Variants in MGST1 observed in about 807,000 individuals in gnomAD.
MGST1 encodes glutathione S-transferase 12.
MGST1 carries 5 observed loss-of-function variants against 8.9 expected under a neutral mutation model. The ratio of observed to expected loss-of-function variants is 0.56; its 90% CI spans 0.29 to 1.19. The LOEUF (loss-of-function observed/expected upper bound fraction) is 1.19, where lower values mean the gene tolerates loss of function less well. Among genes scored for constraint, MGST1 ranks in the 50% most tolerant of loss-of-function variants. The pLI is 0.08. For synonymous variants in MGST1, 54 were observed against 67.8 expected (o/e 0.80, Z 1.00); for missense variants, 182 against 187.4 (o/e 0.97, Z 0.17).
rs1394935989 is a variant in MGST1 at position 16,560,828 on chromosome 12, C to G, written n.483-28700C>G. On this transcript the variant is annotated intron_variant and non_coding_transcript_variant, in intron 4 of 4. Transcript: ENST00000538857. This position sits in a 1 kb window ranked among gnomAD's most constrained non-coding sequence, Gnocchi z 5.0. ...GAAGTCAATGGGGGTGAATTCATAGCAAAAATCTCTGGGTTAGAGTATATA... is the reference window on the plus strand; with the variant it reads ...GAAGTCAATGGGGGTGAATTCATAGGAAAAATCTCTGGGTTAGAGTATATA... 4 of 425,058 alleles carry G rather than the reference C, an allele frequency of 9.4e-6. No individual in the cohort carries two copies. The highest frequency in any genetic ancestry group is 8.3e-5 in the African/African-American group (4 of 48,316). 26.3% of individuals were successfully genotyped at this position (425,058 alleles called of 1,614,324 possible).
At chr12:16,552,606 A>T (rs1232908733) in intron 4 of MGST1, among the ~76,000 whole-genome samples, 1 of 152,060 alleles carries the variant, frequency 6.6e-6, no homozygotes, top group Non-Finnish European at 1.5e-5. Context: ...AAAAAAGTAG[A>T]CTGAAAAGAA....
intron 4 of MGST1, among the ~76,000 whole-genome samples, chr12:16,470,182 T>A (rs1050508204): frequency 5.3e-5 from 8 of 152,220 alleles, no homozygotes; most frequent in Admixed American, 5.2e-4. Flanking sequence ...TGGGGAACTT[T>A]CTACATAAAA....
At chr12:16,558,749 A>C (rs918284966) in intron 4 of MGST1, among the ~76,000 whole-genome samples, 2 of 152,158 alleles carry the variant, frequency 1.3e-5, no homozygotes, top group African/African-American at 2.4e-5. Context: ...AGCAAGAAAC[A>C]CTATTGTGAT....
intron 4 of MGST1, among the ~76,000 whole-genome samples, chr12:16,504,225 T>C (rs2137171375): frequency 6.6e-6 from 1 of 152,326 alleles, no homozygotes; most frequent in East Asian, 1.9e-4. Context: ...TGTTGTGTGA[T>C]ATTCAAAGAA....
chr12:16,399,183 G>A (rs1182299200), intron 1 of MGST1: 1 of 1,283,384 alleles, frequency 7.8e-7, no homozygotes, highest in South Asian at 1.4e-5. Flanking sequence ...AACTTCAAAT[G>A]AAAACAAAAG....
chr12:16,569,124 T>C (rs1341812479), intron 4 of MGST1, among the ~76,000 whole-genome samples: 1 of 152,148 alleles, frequency 6.6e-6, no homozygotes, highest in East Asian at 1.9e-4. Context: ...CAACAATATG[T>C]AAAGAAAAAT....
chr12:16,388,167 T>C (rs1285679615), intron 1 of MGST1, among the ~76,000 whole-genome samples: 1 of 151,848 alleles, frequency 6.6e-6, no homozygotes, highest in Non-Finnish European at 1.5e-5. Flanking sequence ...AAACTGCAAT[T>C]ACTTTTGCAC....
At chr12:16,460,414 CATAG>C (rs1236610783) in intron 4 of MGST1, among the ~76,000 whole-genome samples, 3 of 152,040 alleles carry the variant, frequency 2.0e-5, no homozygotes, top group Non-Finnish European at 4.4e-5. Flanking sequence ...CTATCCAAAA[CATAG>C]ATAGGTCTCT....
intron 4 of MGST1, among the ~76,000 whole-genome samples, chr12:16,483,649 A>G (rs186927059): frequency 1.3e-5 from 2 of 152,318 alleles, no homozygotes; most frequent in East Asian, 3.9e-4. Flanking sequence ...GTTTCAGTTC[A>G]CCAGTAATAT....
At chr12:16,490,307 A>G (rs930798539) in intron 4 of MGST1, among the ~76,000 whole-genome samples, 22 of 152,108 alleles carry the variant, frequency 1.4e-4, no homozygotes, top group South Asian at 2.1e-4. Context: ...GGTTGTGGCC[A>G]TTGCTCTTTT....
In MGST1 at chr12:16,559,798, GAA is replaced by G. The variant is rs60838238; in HGVS notation, n.483-29717_483-29716del. On this transcript the variant is annotated intron_variant and non_coding_transcript_variant, in intron 4 of 4. Transcript: ENST00000538857. The surrounding 1 kb of genome is among the most constrained non-coding windows in gnomAD (Gnocchi z 4.1). ...AAACTCCATCATCTCTATAAAAAAT[GAA>G]AAAAAAAAAAAATTAGCCAGGCATG... 0.019 allele frequency among the ~76,000 whole-genome samples: 2,691 copies of G among 138,310 alleles called. 84 individuals are homozygous for G. Among genetic ancestry groups the G allele is most frequent in the African/African-American group, 0.067 (2,492 of 37,014 alleles). 90.7% of individuals were successfully genotyped at this position (138,310 alleles called of 152,430 possible).
Position 16,555,156 on chromosome 12 carries a change from AGAAT to A in MGST1, n.483-34371_483-34368del, listed in dbSNP as rs1450392453. On this transcript the variant is annotated intron_variant and non_coding_transcript_variant, in intron 4 of 4. Transcript: ENST00000538857. This position sits in a 1 kb window ranked among gnomAD's most constrained non-coding sequence, Gnocchi z 5.5. ...TTTGGTGTTTGACTAATACTTTATC[AGAAT>A]TTGCTATCATTATTATTTGGTAATG... Among the ~76,000 whole-genome samples the A allele has an allele frequency of 6.6e-6, 1 of 152,254 alleles. No individual in the cohort carries two copies. Among genetic ancestry groups the A allele is most frequent in the African/African-American group, 2.4e-5 (1 of 41,470 alleles).
chr12:16,438,381 T>C (rs1338869461), exon 2 of MGST1: 1 of 151,936 alleles, frequency 6.6e-6, no homozygotes, highest in Non-Finnish European at 1.5e-5. Context: ...TGTTTGATGT[T>C]CCAACTAGAC....
chr12:16,579,785 C>T (rs367573083), intron 4 of MGST1, among the ~76,000 whole-genome samples: 7 of 152,110 alleles, frequency 4.6e-5, no homozygotes, highest in South Asian at 2.1e-4. Context: ...CGAGTGAATG[C>T]GATACTTTAC....
chr12:16,531,151 CT>C (rs1367363190), intron 4 of MGST1, among the ~76,000 whole-genome samples: 14 of 123,016 alleles, frequency 1.1e-4, no homozygotes, highest in Non-Finnish European at 6.8e-5. Context: ...CACCTTACCC[CT>C]GACCAAAAAA....
chr12:16,424,447 C>A (rs960512940), intron 1 of MGST1, among the ~76,000 whole-genome samples: 4 of 152,204 alleles, frequency 2.6e-5, no homozygotes, highest in Admixed American at 2.6e-4. Context: ...AAGTTGCTGA[C>A]TAAGTCTCCT....
intron 4 of MGST1, among the ~76,000 whole-genome samples, chr12:16,487,708 C>T (rs962951873): frequency 1.3e-5 from 2 of 151,932 alleles, no homozygotes; most frequent in Admixed American, 6.6e-5. Context: ...AGGGCAGTGG[C>T]GTGATCGTAG....
intron 4 of MGST1, among the ~76,000 whole-genome samples, chr12:16,515,705 G>A (rs770569839): frequency 1.6e-4 from 24 of 151,614 alleles, no homozygotes; most frequent in Non-Finnish European, 2.6e-4. Context: ...CACCCTTCTC[G>A]GCAAAGAATA....
At chr12:16,496,174 A>C (rs1186472678) in intron 4 of MGST1, among the ~76,000 whole-genome samples, 1 of 152,118 alleles carries the variant, frequency 6.6e-6, no homozygotes, top group East Asian at 1.9e-4. Context: ...ATTCTCAGAG[A>C]GGTGTGTAAG....
Sources: allele counts gnomAD v4.1 joint callset (sites outside exome capture counted in the v4.1 genomes callset), GRCh38; gene constraint gnomAD v4.1.1; non-coding constraint Gnocchi (gnomAD v3.1); transcripts MANE v1.5; gene names NCBI Gene and HGNC (gene_info 2026-07-23, HGNC 2026-07-21).